CRMP1: variants seen among roughly 807,000 people sequenced by gnomAD.
CRMP1 encodes the protein dihydropyrimidinase-related protein 1.
CRMP1 carries 19 observed loss-of-function variants against 68.3 expected under a neutral mutation model. The observed-to-expected ratio is 0.28, with a 90% CI of 0.19 to 0.41. The LOEUF (loss-of-function observed/expected upper bound fraction) is 0.41. CRMP1 is among the 10% of genes least tolerant of loss of function. The pLI, the probability that CRMP1 is intolerant of heterozygous loss-of-function variation, is 1.00. For synonymous variants in CRMP1, 439 were observed against 399.6 expected, an observed-to-expected ratio of 1.10 and a Z score of -1.18; for missense variants, 791 against 967.4, an observed-to-expected ratio of 0.82 and a Z score of 2.42.
In CRMP1 at chr4:5,888,335, GC is replaced by G; in HGVS notation, c.381+4253del. 1 of 1,237,812 alleles carries G rather than the reference GC, an allele frequency of 8.1e-7. No homozygotes were observed. The allele number at this position is 1,237,812 out of a possible 1,614,324, so 76.7% of individuals were successfully genotyped here. On this transcript the variant is annotated intron_variant, in intron 1 of 13. Transcript: ENST00000324989. This position sits in a 1 kb window ranked among gnomAD's most constrained non-coding sequence, Gnocchi z 6.4. ...TGTCTGACTGGAACCGGCGCTCTCG[GC>G]CCCGCTCCCAGCGGGCGCGCTGACA...
chr4:5,848,205 C>T (rs1712363734), intron 6 of CRMP1, among the ~76,000 whole-genome samples: 2 of 151,124 alleles, frequency 1.3e-5, no homozygotes, highest in South Asian at 2.1e-4. Context: ...AGTGCAGTGG[C>T]GTGATCTCAG....
rs1374750954 is a variant in CRMP1, at chr4:5,825,193, G to C, written c.1969+301C>G. The C allele has an allele frequency of 8.1e-6, 8 of 985,280 alleles. No homozygotes were observed. The highest frequency in any genetic ancestry group is 9.6e-6 in the Non-Finnish European group (8 of 829,934). 61.0% of individuals were successfully genotyped at this position (985,280 alleles called of 1,614,324 possible). ...ACTCCATGTTTACTTTCATGAGGAA[G>C]AGTGTGAAAGTGTCCCCAAATGTGT... On this transcript the variant is annotated intron_variant, in intron 13 of 13. Coordinates refer to ENST00000324989, the MANE Select transcript of CRMP1 (RefSeq NM_001014809.3). This position sits in a 1 kb window ranked among gnomAD's most constrained non-coding sequence, Gnocchi z 4.4.
chr4:5,841,219 C>CT lies in CRMP1; in HGVS notation c.1153+88dup, dbSNP rs1240362137. 2.1e-5 allele frequency: 33 copies of CT among 1,604,230 alleles called. No homozygotes were observed. The highest frequency in any genetic ancestry group is 2.7e-5 in the Non-Finnish European group (32 of 1,172,892). ...ACCCCTCCCTCCTCCGGCTGCCTGT[C>CT]TGAGTTCGGGAGGGAGTGAACTTGA... On this transcript the variant is annotated intron_variant, in intron 8 of 13. Transcript: ENST00000324989. The surrounding 1 kb of genome is among the most constrained non-coding windows in gnomAD (Gnocchi z 6.9).
At chr4:5,851,264 G>GT in intron 5 of CRMP1, 144 bp downstream of exon 5, 2 of 755,152 alleles carry the variant, frequency 2.6e-6, no homozygotes, top group Non-Finnish European at 4.7e-6. Flanking sequence ...GACTGACACC[G>GT]TATCACACAG....
chr4:5,861,971 T>C lies in CRMP1; in HGVS notation c.471-761A>G, dbSNP rs1467203106. 6.6e-6 allele frequency among the ~76,000 whole-genome samples: 1 copy of C among 152,222 alleles called. No individual in the cohort carries two copies. The highest frequency in any genetic ancestry group is 1.5e-5 in the Non-Finnish European group (1 of 68,040). On this transcript the variant is annotated intron_variant, in intron 2 of 13. Transcript: ENST00000324989. The surrounding 1 kb of genome is among the most constrained non-coding windows in gnomAD (Gnocchi z 6.0). ...GCTTCAGTGACCAAAAGTGCAGCTC[T>C]AGACAGAATCCACAGCCAGGCAGCC...
Position 5,824,407 on chromosome 4 carries a change from G to A in CRMP1, c.1969+1087C>T, listed in dbSNP as rs551976549. On this transcript the variant is annotated intron_variant, in intron 13 of 13. Coordinates refer to ENST00000324989, the MANE Select transcript of CRMP1 (RefSeq NM_001014809.3). Reference sequence around the variant, plus strand: ...AGGCCTCCTTGATTCATGCCTCCTCGGCATAATCACTGAATCAGACACTTC... The same window carrying A: ...AGGCCTCCTTGATTCATGCCTCCTCAGCATAATCACTGAATCAGACACTTC... 9.3e-5 allele frequency: 92 copies of A among 985,180 alleles called. No individual in the cohort carries two copies. In the African/African-American group the frequency reaches 9.4e-4, roughly 10 times the overall value. The allele number at this position is 985,180 out of a possible 1,614,324, so 61.0% of individuals were successfully genotyped here. A position where few individuals can be genotyped will look rare whatever the true frequency, so the allele number is the denominator to read the frequency against.
In CRMP1 at chr4:5,877,011, C is replaced by T. The variant is rs1714890062; in HGVS notation, c.382-10255G>A. On this transcript the variant is annotated intron_variant, in intron 1 of 13. Transcript: ENST00000324989. The surrounding 1 kb of genome is among the most constrained non-coding windows in gnomAD (Gnocchi z 4.3). Reference sequence around the variant, plus strand: ...ACTGTGGGTGTTCTGCCCATGTGACCTGCTTTGGCTGGGAGTGCACCAGTC... The same window carrying T: ...ACTGTGGGTGTTCTGCCCATGTGACTTGCTTTGGCTGGGAGTGCACCAGTC... Among the ~76,000 whole-genome samples, 5 of 152,198 alleles carry T rather than the reference C, an allele frequency of 3.3e-5. No individual in the cohort carries two copies. Among genetic ancestry groups the T allele is most frequent in the Admixed American group, 3.3e-4 (5 of 15,280 alleles).
rs1285845719 is a variant in CRMP1, at chr4:5,859,073, G to T, written c.655+1953C>A. 1.3e-5 allele frequency among the ~76,000 whole-genome samples: 2 copies of T among 151,100 alleles called. No individual in the cohort carries two copies. Among genetic ancestry groups the T allele is most frequent in the African/African-American group, 2.4e-5 (1 of 40,950 alleles). ...CCCTTCTTTTGTAGCAGGAGTCACA[G>T]TTTCTAGTCATACATGTGGACGATT... On this transcript the variant is annotated intron_variant, in intron 3 of 13. Transcript: ENST00000324989. This position sits in a 1 kb window ranked among gnomAD's most constrained non-coding sequence, Gnocchi z 5.2.
rs1310331618 is a variant in CRMP1 at position 5,891,910 on chromosome 4, T to C, written c.381+679A>G. Among the ~76,000 whole-genome samples, 1 of 152,188 alleles carries C rather than the reference T, an allele frequency of 6.6e-6. No homozygotes were observed. Among genetic ancestry groups the C allele is most frequent in the African/African-American group, 2.4e-5 (1 of 41,440 alleles). On this transcript the variant is annotated intron_variant, in intron 1 of 13. Coordinates refer to ENST00000324989, the MANE Select transcript of CRMP1 (RefSeq NM_001014809.3). The surrounding 1 kb of genome is among the most constrained non-coding windows in gnomAD (Gnocchi z 5.2). ...TTCAAATCCCAGCTCTACCTCCACCTTGCTCTGTGAAGCAGGCACATCGGT... is the reference window on the plus strand; with the variant it reads ...TTCAAATCCCAGCTCTACCTCCACCCTGCTCTGTGAAGCAGGCACATCGGT...
chr4:5,867,216 C>G (rs941482630), intron 1 of CRMP1, among the ~76,000 whole-genome samples: 1 of 152,184 alleles, frequency 6.6e-6, no homozygotes, highest in African/African-American at 2.4e-5. Context: ...AGGCCCTCTT[C>G]AATGTGCCTT....
chr4:5,851,388 A>C lies in CRMP1; in HGVS notation c.882+20T>G, dbSNP rs760709006. On this transcript the variant is annotated intron_variant, in intron 5 of 13. Coordinates refer to ENST00000324989, the MANE Select transcript of CRMP1 (RefSeq NM_001014809.3). ...GTCCTGCCCAGACAAGAGAGGAGAG[A>C]GTGAGTGTGAGGGACCTACCTGGCT... The C allele has an allele frequency of 6.2e-7, 1 of 1,611,128 alleles. No homozygotes were observed. Among genetic ancestry groups the C allele is most frequent in the Admixed American group, 1.7e-5 (1 of 60,016 alleles).
At position 5,825,443 on chromosome 4, in the gene CRMP1, C is replaced by T. The variant is rs1406553650; in HGVS notation, c.1969+51G>A. ...TTCCTCAGAAGCAGCAGGAAGGACT[C>T]GGCCTGAACTGCTGCAATTGTGGGG... On this transcript the variant is annotated intron_variant, in intron 13 of 13. Transcript: ENST00000324989. This position sits in a 1 kb window ranked among gnomAD's most constrained non-coding sequence, Gnocchi z 4.4. The T allele has an allele frequency of 1.1e-5, 16 of 1,510,346 alleles. No individual in the cohort carries two copies. Among genetic ancestry groups the T allele is most frequent in the Admixed American group, 2.5e-5 (1 of 39,890 alleles). 93.6% of individuals were successfully genotyped at this position (1,510,346 alleles called of 1,614,324 possible).
In CRMP1 at chr4:5,888,198, C is replaced by T. The variant is rs1028307652; in HGVS notation, c.381+4391G>A. The T allele has an allele frequency of 1.6e-6, 2 of 1,255,078 alleles. No homozygotes were observed. Among genetic ancestry groups the T allele is most frequent in the East Asian group, 3.1e-5 (1 of 31,920 alleles). The allele number at this position is 1,255,078 out of a possible 1,614,324, so 77.7% of individuals were successfully genotyped here. On this transcript the variant is annotated intron_variant, in intron 1 of 13. Coordinates refer to ENST00000324989, the MANE Select transcript of CRMP1 (RefSeq NM_001014809.3). This position sits in a 1 kb window ranked among gnomAD's most constrained non-coding sequence, Gnocchi z 6.4. ...CCCACTCCCAGCCCACAAAGGCCAG[C>T]GCGGGGCGGCGGGGGCGGGGGCCGC...
At position 5,843,162 on chromosome 4, in the gene CRMP1, C is replaced by CT; in HGVS notation, c.964-2dup. 6.2e-7 allele frequency: 1 copy of CT among 1,614,138 alleles called. No homozygotes were observed. The highest frequency in any genetic ancestry group is 8.5e-7 in the Non-Finnish European group (1 of 1,180,008). On this transcript the variant is annotated splice_acceptor_variant, in intron 6 of 13. Transcript: ENST00000324989. LOFTEE classifies it high-confidence loss of function. The surrounding 1 kb of genome is among the most constrained non-coding windows in gnomAD (Gnocchi z 4.1). The stretch of plus-strand genomic sequence containing the variant: ...CCATCTCCAGGATCCGCTTTTGTTC[C>CT]TACAAGACAAGAACAAGTGAGTTAA...
rs1243880138 is a variant in CRMP1, at chr4:5,889,585, G to A, written c.381+3004C>T. The A allele has an allele frequency of 1.3e-6, 2 of 1,536,112 alleles. No homozygotes were observed. The highest frequency in any genetic ancestry group is 1.7e-6 in the Non-Finnish European group (2 of 1,146,888). On this transcript the variant is annotated intron_variant, in intron 1 of 13. Coordinates refer to ENST00000324989, the MANE Select transcript of CRMP1 (RefSeq NM_001014809.3). The surrounding 1 kb of genome is among the most constrained non-coding windows in gnomAD (Gnocchi z 4.5). ...GCCCCAGCAAGCCCCAACCTCACTG[G>A]ACAGGTGCCCCAAGTTCCCAGGCAG...
chr4:5,888,126 G>T lies in CRMP1; in HGVS notation c.381+4463C>A. ...CACCCGCGGCGACGCAGGAGGCCTC[G>T]GGGGGCGCCCCTGCCGGCGCCCCGT... On this transcript the variant is annotated intron_variant, in intron 1 of 13. Coordinates refer to ENST00000324989, the MANE Select transcript of CRMP1 (RefSeq NM_001014809.3). The surrounding 1 kb of genome is among the most constrained non-coding windows in gnomAD (Gnocchi z 6.4). The T allele has an allele frequency of 8.3e-7, 1 of 1,206,992 alleles. No homozygotes were observed. The highest frequency in any genetic ancestry group is 1.0e-6 in the Non-Finnish European group (1 of 967,574). 74.8% of individuals were successfully genotyped at this position (1,206,992 alleles called of 1,614,324 possible).
In CRMP1 at chr4:5,891,852, C is replaced by T. The variant is rs1715965499; in HGVS notation, c.381+737G>A. On this transcript the variant is annotated intron_variant, in intron 1 of 13. Coordinates refer to ENST00000324989, the MANE Select transcript of CRMP1 (RefSeq NM_001014809.3). This position sits in a 1 kb window ranked among gnomAD's most constrained non-coding sequence, Gnocchi z 5.2. Reference sequence around the variant, plus strand: ...TTCCCTCTCCCTGATCCTCCCGGCCCCATGCTCAGGTCCGGGAGGCCAGAG... The same window carrying T: ...TTCCCTCTCCCTGATCCTCCCGGCCTCATGCTCAGGTCCGGGAGGCCAGAG... Among the ~76,000 whole-genome samples the T allele has an allele frequency of 6.6e-6, 1 of 152,230 alleles. No individual in the cohort carries two copies.
Position 5,836,851 on chromosome 4 carries a change from C to T in CRMP1, c.1366G>A (p.Ala456Thr). ...AGGGTAAAGTTGTCCTTGCCCACCG[C>T]CTTCTGGGCAGTGCTGTAGGGACAG... ...GHCPYSTAQKAVGKDNFTLIP... is the reference protein window; with the variant it reads ...GHCPYSTAQKTVGKDNFTLIP... Residue 456 changes from alanine to threonine, a missense_variant, in exon 10 of 14, where the codon GCG becomes ACG. By Grantham distance (58) the Ala-to-Thr change is moderately conservative. Around this residue, in one of 3 missense-constraint regions of CRMP1, gnomAD observed 594 missense variants for 763.6 expected, o/e 0.78. Coordinates refer to ENST00000324989, the MANE Select transcript of CRMP1 (RefSeq NM_001014809.3). 1 of 1,614,184 alleles carries T rather than the reference C, an allele frequency of 6.2e-7. No individual in the cohort carries two copies. Among genetic ancestry groups the T allele is most frequent in the South Asian group, 1.1e-5 (1 of 91,086 alleles).
rs527284286 is a variant in CRMP1 at position 5,870,452 on chromosome 4, T to C, written c.382-3696A>G. 1.3e-4 allele frequency among the ~76,000 whole-genome samples: 20 copies of C among 152,368 alleles called. No homozygotes were observed. The highest frequency in any genetic ancestry group is 3.4e-3 in the Middle Eastern group (1 of 294). On this transcript the variant is annotated intron_variant, in intron 1 of 13. Coordinates refer to ENST00000324989, the MANE Select transcript of CRMP1 (RefSeq NM_001014809.3). The surrounding 1 kb of genome is among the most constrained non-coding windows in gnomAD (Gnocchi z 6.0). Reference sequence around the variant, plus strand: ...ACACAGGCGTTGGTGGGGACGGCACTGCCTGGAGTTTGCACAGCACTTGTC... The same window carrying C: ...ACACAGGCGTTGGTGGGGACGGCACCGCCTGGAGTTTGCACAGCACTTGTC...
Sources: gnomAD v4.1 joint callset for allele counts (sites outside exome capture counted in the v4.1 genomes callset) on GRCh38, gnomAD v4.1.1 for gene constraint, gnomAD v4.1.1 regional missense constraint, Gnocchi (gnomAD v3.1) non-coding constraint, MANE v1.5 for transcripts, NCBI Gene and HGNC (gene_info 2026-07-23, HGNC 2026-07-21) for gene names.